The following KIAA1549L variants were observed in gnomAD, a reference collection of about 807,000 sequenced individuals.
KIAA1549L encodes the protein UPF0606 protein KIAA1549L.
In KIAA1549L, 88 loss-of-function variants were observed where a neutral mutation model predicts 160.7. That is an observed-to-expected ratio of 0.55 (90% CI 0.46 to 0.65). The LOEUF (loss-of-function observed/expected upper bound fraction) is 0.65, where lower values mean the gene tolerates loss of function less well. Among genes scored for constraint, KIAA1549L ranks in the 30% least tolerant of loss-of-function variants. The pLI, the probability that KIAA1549L is intolerant of heterozygous loss-of-function variation, is 0.00. For synonymous variants in KIAA1549L, 950 were observed against 976.7 expected, an observed-to-expected ratio of 0.97 and a Z score of 0.51; for missense variants, 2,258 against 2,437.5, an observed-to-expected ratio of 0.93 and a Z score of 1.55.
Position 33,609,804 on chromosome 11 carries a change from G to T in KIAA1549L, c.5117G>T (p.Arg1706Leu). Residue 1706 changes from arginine (R) to leucine (L), a missense_variant, in exon 15 of 21, where the codon CGC becomes CTC. Arg to Leu is a moderately radical substitution (Grantham distance 102, BLOSUM62 -2). This residue lies in a region of KIAA1549L where 1,359 missense variants were observed against 1,546.6 expected (regional missense o/e 0.88). Coordinates refer to ENST00000658780, the MANE Select transcript of KIAA1549L (RefSeq NM_012194.3). ...ATCGAGCACTATCGGAACAAGCTGC[G>T]CCTCAAAGCCAAGAGGAAGGGATAT... ...SDIEHYRNKL[R>L]LKAKRKGYYD... The T allele has an allele frequency of 6.2e-7, 1 of 1,613,570 alleles. No homozygotes were observed. The highest frequency in any genetic ancestry group is 8.5e-7 in the Non-Finnish European group (1 of 1,179,742).
intron 16 of KIAA1549L, among the ~76,000 whole-genome samples, chr11:33,637,625 G>A (rs1851471367): frequency 6.6e-6 from 1 of 152,228 alleles, no homozygotes; most frequent in Non-Finnish European, 1.5e-5. Context: ...AGATCAAAGT[G>A]TTGGTAGGAT....
chr11:33,545,148 T>C lies in KIAA1549L; in HGVS notation c.3155T>C (p.Leu1052Pro). The change falls in exon 3 of 21, where the codon CTC becomes CCC. Residue 1052 changes from leucine (L) to proline (P), a missense_variant. Around this residue, in one of 6 missense-constraint regions of KIAA1549L, gnomAD observed 1,359 missense variants for 1,546.6 expected, o/e 0.88. Transcript: ENST00000658780. ...PRKPQAMHTG[L>P]PNPTNLEMPR... ...AAACCACAAGCCATGCACACCGGCCTCCCAAACCCCACCAACCTGGAGATG... is the reference window on the plus strand; with the variant it reads ...AAACCACAAGCCATGCACACCGGCCCCCCAAACCCCACCAACCTGGAGATG... The C allele has an allele frequency of 6.2e-7, 1 of 1,613,868 alleles. No homozygotes were observed. Among genetic ancestry groups the C allele is most frequent in the Non-Finnish European group, 8.5e-7 (1 of 1,179,856 alleles).
At chr11:33,658,161 GGGCTTGA>G (rs1852132636) in intron 18 of KIAA1549L, among the ~76,000 whole-genome samples, 1 of 152,186 alleles carries the variant, frequency 6.6e-6, no homozygotes, top group African/African-American at 2.4e-5. Flanking sequence ...TGTGTTAAAT[GGGCTTGA>G]TTCTCTGATT....
intron 1 of KIAA1549L, among the ~76,000 whole-genome samples, chr11:33,518,103 C>T (rs192068891): frequency 2.2e-5 from 3 of 137,294 alleles, no homozygotes; most frequent in Non-Finnish European, 4.5e-5. Context: ...TACACCATTG[C>T]ACTCCAGCCT....
intron 10 of KIAA1549L, among the ~76,000 whole-genome samples, chr11:33,575,649 T>C (rs1472169704): frequency 6.6e-6 from 1 of 152,184 alleles, no homozygotes; most frequent in African/African-American, 2.4e-5. Context: ...TGAACCTGTG[T>C]TCTTAACTAT....
intron 1 of KIAA1549L, among the ~76,000 whole-genome samples, chr11:33,399,386 A>G (rs1308802761): frequency 1.3e-5 from 2 of 152,166 alleles, no homozygotes; most frequent in Non-Finnish European, 2.9e-5. Flanking sequence ...GATAAATCAA[A>G]TGTCCTCTTT....
chr11:33,451,968 G>T (rs899386031), intron 1 of KIAA1549L, among the ~76,000 whole-genome samples: 1 of 152,176 alleles, frequency 6.6e-6, no homozygotes, highest in African/African-American at 2.4e-5. Context: ...AAGAAGTCAA[G>T]TAATTTAGCC....
intron 1 of KIAA1549L, among the ~76,000 whole-genome samples, chr11:33,407,628 C>T (rs1279821920): frequency 6.6e-6 from 1 of 152,116 alleles, no homozygotes; most frequent in Non-Finnish European, 1.5e-5. Flanking sequence ...GGATTATAGG[C>T]CTGAGCCACC....
intron 16 of KIAA1549L, among the ~76,000 whole-genome samples, chr11:33,633,938 G>T (rs182497966): frequency 1.3e-5 from 2 of 152,332 alleles, no homozygotes; most frequent in East Asian, 3.9e-4. Context: ...GACAAAGCAT[G>T]TAGAAAACAG....
intron 1 of KIAA1549L, among the ~76,000 whole-genome samples, chr11:33,430,009 C>CCTTCCTTCCTTCCTTCCTTCCTT (rs1851197946): frequency 1.1e-5 from 1 of 93,298 alleles, no homozygotes; most frequent in Admixed American, 1.1e-4. Context: ...GCTCTGCCCT[C>CCTTCCTTCCTTCCTTCCTTCCTT]CCTTCCTTCC....
At chr11:33,609,064 C>T (rs184324503) in intron 14 of KIAA1549L, among the ~76,000 whole-genome samples, 15 of 152,372 alleles carry the variant, frequency 9.8e-5, no homozygotes, top group African/African-American at 3.6e-4. Context: ...GCTTATATCT[C>T]CAACAGTTTG....
In KIAA1549L at chr11:33,669,222, A is replaced by C. The variant is rs1852591470; in HGVS notation, c.*1068A>C. 6.6e-6 allele frequency: 1 copy of C among 152,324 alleles called. No homozygotes were observed. Among genetic ancestry groups the C allele is most frequent in the South Asian group, 2.1e-4 (1 of 4,824 alleles). The allele number at this position is 152,324 out of a possible 1,614,324, so 9.4% of individuals were successfully genotyped here. On this transcript the variant is annotated 3_prime_UTR_variant, in exon 21 of 21. Coordinates refer to ENST00000658780, the MANE Select transcript of KIAA1549L (RefSeq NM_012194.3). ...AAGCTGTTGAATTTCATTTAAATGT[A>C]AATAACCTTTTAAAAAGCGTATGGA...
Position 33,583,511 on chromosome 11 carries a change from A to G in KIAA1549L, c.4566+10A>G, listed in dbSNP as rs1352286591. 1 of 1,564,652 alleles carries G rather than the reference A, an allele frequency of 6.4e-7. No individual in the cohort carries two copies. Among genetic ancestry groups the G allele is most frequent in the South Asian group, 1.2e-5 (1 of 84,714 alleles). Reference sequence around the variant, plus strand: ...GCCGCAGAGAGCAAAGGTATATGGAAGTGGTGGGGAGAGGGGCAGGAGGAC... The same window carrying G: ...GCCGCAGAGAGCAAAGGTATATGGAGGTGGTGGGGAGAGGGGCAGGAGGAC... On this transcript the variant is annotated intron_variant, in intron 11 of 20. Transcript: ENST00000658780.
chr11:33,465,309 C>T (rs1217222038), intron 1 of KIAA1549L, among the ~76,000 whole-genome samples: 1 of 152,112 alleles, frequency 6.6e-6, no homozygotes, highest in Non-Finnish European at 1.5e-5. Context: ...CTGCCTCGGC[C>T]TCCTAAAGTG....
At chr11:33,550,027 A>T (rs1261818019) in intron 4 of KIAA1549L, among the ~76,000 whole-genome samples, 1 of 141,048 alleles carries the variant, frequency 7.1e-6, no homozygotes, top group Non-Finnish European at 1.5e-5. Flanking sequence ...CAAAAAAAAC[A>T]AACAAAAAAA....
intron 1 of KIAA1549L, among the ~76,000 whole-genome samples, chr11:33,432,106 G>C (rs149107516): frequency 6.6e-6 from 1 of 152,180 alleles, no homozygotes; most frequent in Non-Finnish European, 1.5e-5. Flanking sequence ...ACGCAGTCCC[G>C]GTTCCCGCTC....
At chr11:33,611,334 G>A (rs890912018) in intron 15 of KIAA1549L, among the ~76,000 whole-genome samples, 19 of 152,184 alleles carry the variant, frequency 1.2e-4, no homozygotes, top group Admixed American at 1.2e-3. Flanking sequence ...TCTGGCCTGA[G>A]TAAGTACTTA....
intron 1 of KIAA1549L, among the ~76,000 whole-genome samples, chr11:33,476,299 G>A (rs1443892629): frequency 3.3e-5 from 5 of 152,148 alleles, no homozygotes; most frequent in African/African-American, 9.7e-5. Flanking sequence ...GCTCATTGGC[G>A]AAGCTCACCT....
At chr11:33,450,387 A>G (rs1353073777) in intron 1 of KIAA1549L, among the ~76,000 whole-genome samples, 5 of 152,026 alleles carry the variant, frequency 3.3e-5, no homozygotes, top group Non-Finnish European at 5.9e-5. Context: ...GCAAGACCCT[A>G]TCATTACAAA....
Sources: gnomAD v4.1 joint callset for allele counts (sites outside exome capture counted in the v4.1 genomes callset) on GRCh38, gnomAD v4.1.1 for gene constraint, gnomAD v4.1.1 regional missense constraint, MANE v1.5 for transcripts, NCBI Gene and HGNC (gene_info 2026-07-23, HGNC 2026-07-21) for gene names.